Variants in DPP10 observed in about 807,000 individuals in gnomAD.
The protein encoded by DPP10 is dipeptidyl peptidase like 10.
A neutral mutation model predicts 120.9 loss-of-function variants in DPP10; 33 were observed. That is an observed-to-expected ratio of 0.27 (90% confidence interval 0.21 to 0.37). The LOEUF (loss-of-function observed/expected upper bound fraction) is 0.37, where lower values mean the gene tolerates loss of function less well. DPP10 is among the 10% of genes least tolerant of loss of function. The pLI is 1.00. For missense variants in DPP10, 816 were observed against 942.8 expected (o/e 0.87, Z 1.76); for synonymous variants, 337 against 326.1 (o/e 1.03, Z -0.36).
chr2:115,599,121 C>CT (rs1218229363), intron 5 of DPP10, among the ~76,000 whole-genome samples: 1 of 151,928 alleles, frequency 6.6e-6, no homozygotes, highest in Admixed American at 6.6e-5. Flanking sequence ...ATGCTTTTGA[C>CT]TTTGAACATT....
At chr2:115,109,506 A>G (rs1490144135) in intron 1 of DPP10, among the ~76,000 whole-genome samples, 1 of 151,864 alleles carries the variant, frequency 6.6e-6, no homozygotes, top group Non-Finnish European at 1.5e-5. Context: ...ACTGCACTCC[A>G]GCCTGGCAAC....
At chr2:115,581,907 A>G (rs1214544476) in intron 5 of DPP10, among the ~76,000 whole-genome samples, 4 of 152,196 alleles carry the variant, frequency 2.6e-5, no homozygotes, top group African/African-American at 7.2e-5. Flanking sequence ...TGGCAACTCC[A>G]TATGGGTCTG....
chr2:114,517,589 C>T (rs1455449237), intron 1 of DPP10, among the ~76,000 whole-genome samples: 1 of 151,760 alleles, frequency 6.6e-6, no homozygotes. Context: ...GTGTGTAAGA[C>T]ATTTTACTCA....
intron 3 of DPP10, among the ~76,000 whole-genome samples, chr2:115,380,008 G>A (rs1313617439): frequency 1.3e-5 from 2 of 152,138 alleles, no homozygotes; most frequent in Non-Finnish European, 2.9e-5. Context: ...GTGGTGTGGT[G>A]CTGAAAAAAT....
chr2:114,496,009 T>C (rs1034767450), intron 1 of DPP10, among the ~76,000 whole-genome samples: 2 of 152,206 alleles, frequency 1.3e-5, no homozygotes, highest in African/African-American at 4.8e-5. Flanking sequence ...TTAGTCAGTG[T>C]CCAGTCAGGA....
At chr2:114,467,658 A>G (rs988279207) in intron 1 of DPP10, among the ~76,000 whole-genome samples, 4 of 152,156 alleles carry the variant, frequency 2.6e-5, no homozygotes, top group African/African-American at 9.7e-5. Flanking sequence ...AATTAACTTG[A>G]TTTTAATTCT....
At chr2:115,572,019 AT>A (rs1221152887) in intron 5 of DPP10, among the ~76,000 whole-genome samples, 1 of 152,192 alleles carries the variant, frequency 6.6e-6, no homozygotes, top group Non-Finnish European at 1.5e-5. Flanking sequence ...GTCTGAACAA[AT>A]CAAAGCTGTC....
intron 5 of DPP10, among the ~76,000 whole-genome samples, chr2:115,658,457 G>T (rs1243995799): frequency 6.6e-6 from 1 of 151,364 alleles, no homozygotes; most frequent in Non-Finnish European, 1.5e-5. Flanking sequence ...TTTTAGTTTG[G>T]CAGCAAACAT....
chr2:115,356,519 C>G (rs1028869323), intron 3 of DPP10, among the ~76,000 whole-genome samples: 1 of 152,096 alleles, frequency 6.6e-6, no homozygotes, highest in African/African-American at 2.4e-5. Context: ...ATTTGACTTC[C>G]TCTCTTCCTA....
At chr2:114,750,868 T>C (rs1432051593) in intron 1 of DPP10, among the ~76,000 whole-genome samples, 2 of 152,232 alleles carry the variant, frequency 1.3e-5, no homozygotes, top group African/African-American at 4.8e-5. Context: ...GGATTATTTG[T>C]ATGTGATTAC....
intron 1 of DPP10, among the ~76,000 whole-genome samples, chr2:115,055,159 T>C (rs1705803169): frequency 6.6e-6 from 1 of 152,178 alleles, no homozygotes; most frequent in Admixed American, 6.5e-5. Flanking sequence ...CTGTTTTCTT[T>C]CAAAGAGGCT....
chr2:115,339,009 A>C (rs972665778), intron 2 of DPP10, among the ~76,000 whole-genome samples: 2 of 152,194 alleles, frequency 1.3e-5, no homozygotes, highest in African/African-American at 2.4e-5. Flanking sequence ...AAGAGGGTGA[A>C]AAGACAACTT....
intron 5 of DPP10, among the ~76,000 whole-genome samples, chr2:115,686,121 G>A (rs2090973936): frequency 1.3e-5 from 2 of 151,972 alleles, no homozygotes; most frequent in African/African-American, 4.8e-5. Flanking sequence ...TTATCGTTTT[G>A]AGGGTCTACT....
intron 21 of DPP10, among the ~76,000 whole-genome samples, chr2:115,823,187 T>C (rs1687979539): frequency 6.6e-6 from 1 of 152,112 alleles, no homozygotes; most frequent in African/African-American, 2.4e-5. Flanking sequence ...TTTCTTGGAA[T>C]TTTATCTATG....
intron 1 of DPP10, chr2:115,161,783 G>A (rs1045765254): frequency 6.8e-6 from 4 of 586,662 alleles, no homozygotes; most frequent in Admixed American, 4.5e-5. Context: ...CCTACGACGG[G>A]GAGCCCGCCC....
intron 1 of DPP10, among the ~76,000 whole-genome samples, chr2:114,965,964 C>CAAAAAAAAAAAAAAAAAAAAAAAAAAAAA (rs57107624): frequency 2.7e-4 from 20 of 74,806 alleles, no homozygotes; most frequent in South Asian, 7.0e-4. Context: ...GACTCCTTCT[C>CAAAAAAAAAAAAAAAAAAAAAAAAAAAAA]AAAAAAAAAA....
intron 1 of DPP10, among the ~76,000 whole-genome samples, chr2:114,703,769 A>G (rs1293011576): frequency 1.3e-5 from 2 of 152,136 alleles, no homozygotes; most frequent in Admixed American, 1.3e-4. Context: ...AAATGTTGAA[A>G]CTAGAAGAGC....
chr2:115,125,602 C>T (rs997347779), intron 1 of DPP10, among the ~76,000 whole-genome samples: 27 of 135,446 alleles, frequency 2.0e-4, no homozygotes, highest in Admixed American at 6.0e-4. Flanking sequence ...ACAGAGTCCT[C>T]GCTCTGTCGC....
At chr2:115,396,953 A>G (rs1342833002) in intron 3 of DPP10, among the ~76,000 whole-genome samples, 1 of 152,168 alleles carries the variant, frequency 6.6e-6, no homozygotes, top group African/African-American at 2.4e-5. Flanking sequence ...TAAACAATAA[A>G]ATTATAAGGC....
Sources: allele counts gnomAD v4.1 joint callset (sites outside exome capture counted in the v4.1 genomes callset), GRCh38; gene constraint gnomAD v4.1.1; transcripts MANE v1.5; gene names NCBI Gene and HGNC (gene_info 2026-07-23, HGNC 2026-07-21).